Variants in OR2L13 observed in about 807,000 individuals in gnomAD.
The protein encoded by OR2L13 is olfactory receptor family 2 subfamily L member 13, also known as olfactory receptor 2L13.
A neutral mutation model predicts 15.3 loss-of-function variants in OR2L13; 14 were observed. The ratio of observed to expected loss-of-function variants is 0.91; its 90% CI spans 0.60 to 1.43. The LOEUF is 1.43. Among genes scored for constraint, OR2L13 ranks in the 40% most tolerant of loss-of-function variants. The pLI, the probability that OR2L13 is intolerant of heterozygous loss-of-function variation, is 0.00. For synonymous variants in OR2L13, 152 were observed against 142.9 expected, an observed-to-expected ratio of 1.06 and a Z score of -0.45; for missense variants, 367 against 387.9, an observed-to-expected ratio of 0.95 and a Z score of 0.45.
chr1:247,991,378 G>C, the OR2L13 span, among the ~76,000 whole-genome samples: 1 of 149,088 alleles, frequency 6.7e-6, no homozygotes, highest in Non-Finnish European at 1.5e-5. Flanking sequence ...CACCTATTTT[G>C]GTTTTGTATT....
chr1:247,948,340 TATA>T, the OR2L13 span, among the ~76,000 whole-genome samples: 1 of 152,236 alleles, frequency 6.6e-6, no homozygotes, highest in Non-Finnish European at 1.5e-5. Context: ...AGGTATTCAG[TATA>T]ATATTTGACT....
At chr1:247,940,913 C>CT in the OR2L13 span, among the ~76,000 whole-genome samples, 6 of 151,754 alleles carry the variant, frequency 4.0e-5, no homozygotes, top group South Asian at 8.3e-4. Flanking sequence ...AACATCTGTG[C>CT]TTTTTTTTAA....
chr1:248,072,247 C>A, the OR2L13 span, among the ~76,000 whole-genome samples: 8 of 152,128 alleles, frequency 5.3e-5, no homozygotes, highest in Admixed American at 2.0e-4. Flanking sequence ...GCTACAGTAA[C>A]CAAAACAGCA....
At chr1:248,017,038 C>A in the OR2L13 span, among the ~76,000 whole-genome samples, 1 of 152,144 alleles carries the variant, frequency 6.6e-6, no homozygotes, top group Non-Finnish European at 1.5e-5. Context: ...TATGATGCCT[C>A]CCGGGTTGAA....
chr1:248,033,880 CA>C, the OR2L13 span, among the ~76,000 whole-genome samples: 1 of 152,122 alleles, frequency 6.6e-6, no homozygotes, highest in Non-Finnish European at 1.5e-5. Context: ...GTCCTAGCCA[CA>C]GCAGTCAGAA....
chr1:247,987,128 G>A, the OR2L13 span, among the ~76,000 whole-genome samples: 33 of 152,074 alleles, frequency 2.2e-4, no homozygotes, highest in Non-Finnish European at 4.6e-4. Context: ...TGAAGCCTAG[G>A]CTCAAAACAG....
the OR2L13 span, among the ~76,000 whole-genome samples, chr1:248,033,123 A>G: frequency 6.6e-6 from 1 of 152,092 alleles, no homozygotes; most frequent in Admixed American, 6.6e-5. Flanking sequence ...TCAGGATGAA[A>G]CCCATCATAA....
At chr1:248,078,493 C>T in the OR2L13 span, among the ~76,000 whole-genome samples, 4 of 151,894 alleles carry the variant, frequency 2.6e-5, no homozygotes, top group African/African-American at 9.7e-5. Context: ...CATACACACA[C>T]ACACACAAAC....
chr1:248,072,204 A>G, the OR2L13 span, among the ~76,000 whole-genome samples: 1 of 152,162 alleles, frequency 6.6e-6, no homozygotes. Context: ...AGCTAGAGGC[A>G]TCACGCTACC....
chr1:248,068,274 C>T, the OR2L13 span, among the ~76,000 whole-genome samples: 12 of 152,134 alleles, frequency 7.9e-5, 1 homozygote, highest in South Asian at 1.0e-3. Context: ...ACACCTCACA[C>T]GGCCGGGTAC....
At chr1:248,025,775 A>G in the OR2L13 span, among the ~76,000 whole-genome samples, 4 of 151,968 alleles carry the variant, frequency 2.6e-5, no homozygotes, top group South Asian at 6.2e-4. Flanking sequence ...AGCCATAAAA[A>G]AGGATGAGTT....
the OR2L13 span, among the ~76,000 whole-genome samples, chr1:248,005,145 G>T: frequency 0.07 from 10,656 of 152,128 alleles, 430 homozygotes; most frequent in East Asian, 0.16. Flanking sequence ...ATTTATTGTA[G>T]AATTTATTGT....
the OR2L13 span, among the ~76,000 whole-genome samples, chr1:248,000,930 TA>T: frequency 6.9e-3 from 1,056 of 152,246 alleles, 9 homozygotes; most frequent in African/African-American, 0.023. Flanking sequence ...TTAATAAATT[TA>T]ATTTTTTTTC....
At chr1:247,969,684 G>A in the OR2L13 span, among the ~76,000 whole-genome samples, 2 of 152,190 alleles carry the variant, frequency 1.3e-5, no homozygotes, top group Non-Finnish European at 2.9e-5. Flanking sequence ...TAATCTGCAT[G>A]AAATGTAGAA....
chr1:248,060,887 A>G, the OR2L13 span: 3 of 1,613,858 alleles, frequency 1.9e-6, no homozygotes, highest in Non-Finnish European at 2.5e-6. Context: ...TCCCTCATTG[A>G]CCTAAATTAC....
upstream of OR2L13, chr1:248,097,220 A>G (rs1343983470): frequency 6.6e-6 from 1 of 152,090 alleles, no homozygotes; most frequent in East Asian, 1.9e-4. Flanking sequence ...GCAGCCCTCA[A>G]CCTTGGCCCA....
At chr1:248,087,883 G>A in the OR2L13 span, among the ~76,000 whole-genome samples, 3 of 152,112 alleles carry the variant, frequency 2.0e-5, no homozygotes, top group African/African-American at 7.2e-5. Flanking sequence ...TCTGATCATT[G>A]ATAATCCTTG....
At chr1:247,993,422 T>A in the OR2L13 span, among the ~76,000 whole-genome samples, 4 of 151,620 alleles carry the variant, frequency 2.6e-5, no homozygotes, top group African/African-American at 9.7e-5. Flanking sequence ...CTATTGTTAC[T>A]CCTCAGGTAG....
the OR2L13 span, chr1:247,939,474 C>T: frequency 2.0e-5 from 3 of 152,202 alleles, no homozygotes; most frequent in African/African-American, 7.2e-5. Flanking sequence ...AAATCATCCA[C>T]ATTTCAGGCC....
Sources: gnomAD v4.1 joint callset for allele counts (sites outside exome capture counted in the v4.1 genomes callset) on GRCh38, gnomAD v4.1.1 for gene constraint, MANE v1.5 for transcripts, NCBI Gene and HGNC (gene_info 2026-07-23, HGNC 2026-07-21) for gene names.